MTMR7: variants seen among roughly 807,000 people sequenced by gnomAD.
The protein encoded by MTMR7 is phosphatidylinositol-3-phosphate phosphatase MTMR7.
In MTMR7, 76 loss-of-function variants were observed where a neutral mutation model predicts 81.2. The ratio of observed to expected loss-of-function variants is 0.94; its 90% CI spans 0.78 to 1.13. The LOEUF is 1.13. Among genes scored for constraint, MTMR7 ranks in the 50% most tolerant of loss-of-function variants. The pLI is 0.00. For missense variants in MTMR7, 1,044 were observed against 820.0 expected (o/e 1.27, Z -3.34); for synonymous variants, 372 against 289.8 (o/e 1.28, Z -2.88).
rs763380685 is a variant in MTMR7 at position 17,302,289 on chromosome 8, G to C, written c.1494-9C>G. Reference sequence around the variant, plus strand: ...ACATTCCACTCCAAAACCTGGAAAGGATGGCAAAGCGTCGTGATACCACCT... The same window carrying C: ...ACATTCCACTCCAAAACCTGGAAAGCATGGCAAAGCGTCGTGATACCACCT... On this transcript the variant is annotated splice_polypyrimidine_tract_variant and intron_variant, in intron 12 of 13. Transcript: ENST00000180173. 15 of 1,611,984 alleles carry C rather than the reference G, an allele frequency of 9.3e-6. No homozygotes were observed. In the African/African-American group the frequency reaches 1.7e-4, roughly 19 times the overall value.
intron 7 of MTMR7, among the ~76,000 whole-genome samples, chr8:17,316,800 T>C (rs1309564651): frequency 6.6e-6 from 1 of 152,170 alleles, no homozygotes; most frequent in Non-Finnish European, 1.5e-5. Flanking sequence ...ATAGGCTATA[T>C]GCAAATACAC....
chr8:17,355,225 C>T (rs1475649378), intron 4 of MTMR7, among the ~76,000 whole-genome samples: 2 of 152,122 alleles, frequency 1.3e-5, no homozygotes, highest in Admixed American at 1.3e-4. Flanking sequence ...ATTTTCTTTA[C>T]TAAACTTGGA....
At chr8:17,300,922 T>C (rs1254783490) in intron 13 of MTMR7, among the ~76,000 whole-genome samples, 1 of 152,252 alleles carries the variant, frequency 6.6e-6, no homozygotes, top group African/African-American at 2.4e-5. Flanking sequence ...GTTCTCAGAA[T>C]TCATTCATGG....
intron 5 of MTMR7, among the ~76,000 whole-genome samples, chr8:17,345,361 C>T (rs912771322): frequency 1.3e-5 from 2 of 152,220 alleles, no homozygotes; most frequent in African/African-American, 4.8e-5. Flanking sequence ...GCAAGCTAAT[C>T]ACATCCTCCT....
intron 2 of MTMR7, 97 bp downstream of exon 2, chr8:17,373,021 C>T: frequency 6.9e-7 from 1 of 1,451,952 alleles, no homozygotes; most frequent in South Asian, 1.3e-5. Flanking sequence ...GGCACAAAAG[C>T]CCACCCATCT....
chr8:17,377,589 G>C (rs1458257947), intron 1 of MTMR7, among the ~76,000 whole-genome samples: 1 of 151,968 alleles, frequency 6.6e-6, no homozygotes, highest in Non-Finnish European at 1.5e-5. Flanking sequence ...GTTTTTGTCT[G>C]TCTGTTTCTA....
chr8:17,328,617 C>T (rs2150525161), intron 7 of MTMR7, among the ~76,000 whole-genome samples: 1 of 152,170 alleles, frequency 6.6e-6, no homozygotes, highest in South Asian at 2.1e-4. Context: ...CTAATGCCTG[C>T]TAGGCTTAAC....
chr8:17,406,005 T>G (rs558123785), intron 1 of MTMR7, among the ~76,000 whole-genome samples: 2 of 152,252 alleles, frequency 1.3e-5, no homozygotes, highest in African/African-American at 4.8e-5. Flanking sequence ...TGCAAATATC[T>G]GAAATTATGC....
intron 1 of MTMR7, among the ~76,000 whole-genome samples, chr8:17,390,419 C>G (rs1396172217): frequency 6.6e-6 from 1 of 152,114 alleles, no homozygotes; most frequent in Non-Finnish European, 1.5e-5. Context: ...GAAATCCACC[C>G]CCATCATGCA....
intron 1 of MTMR7, among the ~76,000 whole-genome samples, chr8:17,394,656 A>T (rs932744889): frequency 1.3e-5 from 2 of 152,180 alleles, no homozygotes; most frequent in Non-Finnish European, 2.9e-5. Context: ...AAACTACTTA[A>T]ATGTATACTT....
At chr8:17,397,766 A>C (rs1229704060) in intron 1 of MTMR7, among the ~76,000 whole-genome samples, 1 of 152,146 alleles carries the variant, frequency 6.6e-6, no homozygotes, top group Non-Finnish European at 1.5e-5. Context: ...GATCCTGGGC[A>C]AGACCCAGTG....
intron 7 of MTMR7, among the ~76,000 whole-genome samples, chr8:17,328,565 G>A (rs1161473916): frequency 6.6e-6 from 1 of 152,072 alleles, no homozygotes; most frequent in Non-Finnish European, 1.5e-5. Flanking sequence ...GGGGCCTGTT[G>A]GCGGGGGTGG....
chr8:17,349,263 A>T, intron 4 of MTMR7, 182 bp from the exon 5 acceptor site: 1 of 607,878 alleles, frequency 1.6e-6, no homozygotes, highest in South Asian at 2.3e-5. Flanking sequence ...CGCTGATTCT[A>T]TGTAATCATT....
intron 4 of MTMR7, among the ~76,000 whole-genome samples, chr8:17,360,020 G>A (rs1370338657): frequency 6.6e-6 from 1 of 152,174 alleles, no homozygotes; most frequent in Non-Finnish European, 1.5e-5. Context: ...TTAAAATAGT[G>A]ATGAGTAATG....
Position 17,371,159 on chromosome 8 carries a change from G to A in MTMR7, c.188C>T (p.Thr63Ile). The change falls in exon 3 of 14, where the codon ACA (threonine) becomes ATA (isoleucine). Residue 63 changes from threonine to isoleucine, a missense_variant. By Grantham distance (89) the Thr-to-Ile change is moderately conservative (BLOSUM62 -1). Transcript: ENST00000180173. ...SQISTIEKQA[T>I]TATGCPLLIR... ...CAGCAGAGGGCATCCGGTAGCGGTT[G>A]TTGCCTGTTTCTCAATGGTGGAAAT... 7 of 1,614,196 alleles carry A rather than the reference G, an allele frequency of 4.3e-6. No individual in the cohort carries two copies. Among genetic ancestry groups the A allele is most frequent in the Non-Finnish European group, 5.9e-6 (7 of 1,180,032 alleles).
intron 1 of MTMR7, among the ~76,000 whole-genome samples, chr8:17,411,365 C>T (rs1349029187): frequency 6.6e-6 from 1 of 152,184 alleles, no homozygotes; most frequent in African/African-American, 2.4e-5. Flanking sequence ...TTCAGTCTCC[C>T]TCTCTACCCA....
intron 6 of MTMR7, among the ~76,000 whole-genome samples, chr8:17,340,528 G>A (rs1362843108): frequency 6.6e-6 from 1 of 152,198 alleles, no homozygotes; most frequent in Non-Finnish European, 1.5e-5. Context: ...GACTTCACTT[G>A]TTGAAGTTTT....
chr8:17,355,652 C>G (rs560673113), intron 4 of MTMR7, among the ~76,000 whole-genome samples: 1 of 151,360 alleles, frequency 6.6e-6, no homozygotes, highest in South Asian at 2.1e-4. Context: ...AAACTTGGAA[C>G]AGTGTATCAG....
intron 1 of MTMR7, among the ~76,000 whole-genome samples, chr8:17,393,919 G>A (rs1296224373): frequency 6.6e-6 from 1 of 152,152 alleles, no homozygotes. Context: ...CTCCAAAGAA[G>A]ACATATGAAT....
Sources: gnomAD v4.1 joint callset for allele counts (sites outside exome capture counted in the v4.1 genomes callset) on GRCh38, gnomAD v4.1.1 for gene constraint, MANE v1.5 for transcripts, NCBI Gene and HGNC (gene_info 2026-07-23, HGNC 2026-07-21) for gene names.